The following RYR3 variants were observed in gnomAD, a reference collection of about 807,000 sequenced individuals.
The protein encoded by RYR3 is brain ryanodine receptor-calcium release channel.
Under a neutral mutation model 584.3 loss-of-function variants are expected in RYR3, and 207 were observed. The observed-to-expected ratio is 0.35, with a 90% CI of 0.32 to 0.40. RYR3 has a LOEUF of 0.40. RYR3 is among the 10% of genes least tolerant of loss of function. RYR3 has a pLI of 1.00. For missense variants in RYR3, 5,616 were observed against 6,089.2 expected, an observed-to-expected ratio of 0.92 and a Z score of 2.59; for synonymous variants, 2,416 against 2,248.5, an observed-to-expected ratio of 1.07 and a Z score of -2.11.
intron 1 of RYR3, among the ~76,000 whole-genome samples, chr15:33,329,361 G>A (rs925263182): frequency 2.0e-5 from 3 of 152,122 alleles, no homozygotes. Flanking sequence ...CATGAATACT[G>A]CTAATAAAAG....
chr15:33,668,100 A>G (rs2063589834), intron 36 of RYR3, among the ~76,000 whole-genome samples: 2 of 150,836 alleles, frequency 1.3e-5, no homozygotes, highest in Admixed American at 1.3e-4. Context: ...AAAACTAAAA[A>G]GAATGATAGA....
intron 68 of RYR3, 91 bp from the exon 69 acceptor site, chr15:33,801,778 G>T (rs2075931282): frequency 1.5e-6 from 1 of 678,768 alleles, no homozygotes; most frequent in South Asian, 1.8e-5. Context: ...GAGAGGAGGG[G>T]TCTATTCCGT....
chr15:33,662,426 C>A lies in RYR3; in HGVS notation c.4896C>A (p.Pro1632=). 4 of 1,613,996 alleles carry A rather than the reference C, an allele frequency of 2.5e-6. No homozygotes were observed. Among genetic ancestry groups the A allele is most frequent in the Non-Finnish European group, 3.4e-6 (4 of 1,179,880 alleles). Residue 1632 remains proline (P), a synonymous_variant, in exon 35 of 104, where the codon CCC becomes CCA. Coordinates refer to ENST00000634891, the MANE Select transcript of RYR3 (RefSeq NM_001036.6). ...TGATGAAGAACGAGTACATCATCCC[C>A]ATTACCAGCACCACCAGGAATATCC... The part of the protein sequence containing the change: ...KLMMKNEYII[P]ITSTTRNIRL...
intron 1 of RYR3, among the ~76,000 whole-genome samples, chr15:33,354,546 C>A (rs1274175832): frequency 6.6e-6 from 1 of 152,210 alleles, no homozygotes; most frequent in South Asian, 2.1e-4. Flanking sequence ...CTTCATAATG[C>A]AGCTCTTGAC....
At chr15:33,809,660 G>A (rs1228705651) in intron 70 of RYR3, among the ~76,000 whole-genome samples, 1 of 148,354 alleles carries the variant, frequency 6.7e-6, no homozygotes, top group Non-Finnish European at 1.5e-5. Context: ...TGTTGAGGCC[G>A]AGTCTTGCTC....
At chr15:33,561,401 A>T (rs1445037490) in intron 10 of RYR3, among the ~76,000 whole-genome samples, 1 of 152,192 alleles carries the variant, frequency 6.6e-6, no homozygotes, top group Non-Finnish European at 1.5e-5. Flanking sequence ...AGAAGAGTGC[A>T]GACTCTGGAG....
In RYR3 at chr15:33,662,834, G is replaced by T; in HGVS notation, c.5304G>T (p.Lys1768Asn). 6.2e-7 allele frequency: 1 copy of T among 1,613,944 alleles called. No homozygotes were observed. The highest frequency in any genetic ancestry group is 8.5e-7 in the Non-Finnish European group (1 of 1,179,890). Residue 1768 changes from lysine to asparagine, a missense_variant, in exon 35 of 104, where the codon AAG (lysine) becomes AAT (asparagine). Transcript: ENST00000634891. ...HSAGTEEGAE[K>N]EEVTQVEEKA... ...CGGGGACAGAGGAGGGAGCAGAAAA[G>T]GAGGAAGTGACCCAGGTGGAGGAGA...
chr15:33,674,186 G>A (rs1364128752), intron 38 of RYR3, among the ~76,000 whole-genome samples: 1 of 152,224 alleles, frequency 6.6e-6, no homozygotes. Flanking sequence ...CATGTTTAGT[G>A]CTGAGAAGAA....
chr15:33,590,588 T>C (rs2059081147), intron 16 of RYR3, among the ~76,000 whole-genome samples: 1 of 151,992 alleles, frequency 6.6e-6, no homozygotes, highest in African/African-American at 2.4e-5. Context: ...CATCAGTGTT[T>C]CGTAATTTTT....
In RYR3 at chr15:33,722,894, G is replaced by A. The variant is rs2068053416; in HGVS notation, c.6799G>A (p.Val2267Ile). Residue 2267 changes from valine to isoleucine, a missense_variant and splice_region_variant, in exon 44 of 104, where the codon GTC becomes ATC. Around this residue, in one of 9 missense-constraint regions of RYR3, gnomAD observed 1,280 missense variants for 1,426.2 expected, o/e 0.90. Coordinates refer to ENST00000634891, the MANE Select transcript of RYR3 (RefSeq NM_001036.6). ...DLPSQGYKREVSTGDDEEEEE... is the reference protein window; with the variant it reads ...DLPSQGYKREISTGDDEEEEE... Reference sequence around the variant, plus strand: ...CCCCTCTCAAGGATACAAAAGAGAAGTGTAAGTGAATGGAATTCCCTTCCG... The same window carrying A: ...CCCCTCTCAAGGATACAAAAGAGAAATGTAAGTGAATGGAATTCCCTTCCG... The A allele has an allele frequency of 1.3e-6, 2 of 1,563,346 alleles. No homozygotes were observed. The highest frequency in any genetic ancestry group is 1.7e-6 in the Non-Finnish European group (2 of 1,157,504).
chr15:33,714,451 G>A (rs11072635), intron 43 of RYR3, among the ~76,000 whole-genome samples: 43,974 of 151,978 alleles, frequency 0.29, 7,985 homozygotes, highest in East Asian at 0.65. Flanking sequence ...GCCTTGGGTT[G>A]TGTTTAACTC....
intron 3 of RYR3, among the ~76,000 whole-genome samples, chr15:33,512,753 A>T (rs1442433308): frequency 2.0e-5 from 3 of 152,216 alleles, no homozygotes; most frequent in African/African-American, 7.2e-5. Context: ...CCATGGCTGG[A>T]CTAAATATAT....
chr15:33,684,088 C>A (rs1234023710), intron 38 of RYR3, among the ~76,000 whole-genome samples: 2 of 152,258 alleles, frequency 1.3e-5, no homozygotes, highest in Non-Finnish European at 1.5e-5. Flanking sequence ...CAGACAACTT[C>A]TGCAGACTTA....
intron 1 of RYR3, among the ~76,000 whole-genome samples, chr15:33,466,729 T>C (rs893984209): frequency 1.3e-5 from 2 of 152,226 alleles, no homozygotes; most frequent in Admixed American, 6.5e-5. Flanking sequence ...AAGAAGGATC[T>C]TTATTTTGGA....
At chr15:33,769,908 CA>C (rs1220332438) in intron 62 of RYR3, among the ~76,000 whole-genome samples, 1 of 151,984 alleles carries the variant, frequency 6.6e-6, no homozygotes, top group African/African-American at 2.4e-5. Context: ...GAGATCACGC[CA>C]CTACACTCCA....
At chr15:33,502,521 T>TGATC (rs1348152910) in intron 2 of RYR3, among the ~76,000 whole-genome samples, 2 of 152,158 alleles carry the variant, frequency 1.3e-5, no homozygotes, top group Non-Finnish European at 2.9e-5. Flanking sequence ...GGTACACAGG[T>TGATC]GATCACAAGC....
At chr15:33,359,157 C>A (rs1235796613) in intron 1 of RYR3, among the ~76,000 whole-genome samples, 2 of 152,254 alleles carry the variant, frequency 1.3e-5, no homozygotes, top group Admixed American at 1.3e-4. Flanking sequence ...CCATCTTTAC[C>A]CACTTCCACC....
chr15:33,794,046 A>AG (rs1567183661), intron 67 of RYR3, among the ~76,000 whole-genome samples: 1 of 113,696 alleles, frequency 8.8e-6, no homozygotes, highest in African/African-American at 4.0e-5. Flanking sequence ...ATAAATACAT[A>AG]TATATAAATA....
At chr15:33,358,390 G>A (rs1419201544) in intron 1 of RYR3, among the ~76,000 whole-genome samples, 1 of 152,172 alleles carries the variant, frequency 6.6e-6, no homozygotes, top group Non-Finnish European at 1.5e-5. Context: ...CTCAGCCTCT[G>A]TTTGGCTTAC....
Sources: gnomAD v4.1 joint callset for allele counts (sites outside exome capture counted in the v4.1 genomes callset) on GRCh38, gnomAD v4.1.1 for gene constraint, gnomAD v4.1.1 regional missense constraint, MANE v1.5 for transcripts, NCBI Gene and HGNC (gene_info 2026-07-23, HGNC 2026-07-21) for gene names.